PRKCA: variants seen among roughly 807,000 people sequenced by gnomAD.
PRKCA encodes protein kinase C alpha.
PRKCA carries 27 observed loss-of-function variants against 87.0 expected under a neutral mutation model. The observed-to-expected ratio is 0.31, with a 90% CI of 0.23 to 0.43. The LOEUF is 0.43. PRKCA is among the 20% of genes least tolerant of loss of function. The pLI, the probability that PRKCA is intolerant of heterozygous loss-of-function variation, is 1.00. For synonymous variants in PRKCA, 329 were observed against 311.1 expected (o/e 1.06, Z -0.61); for missense variants, 518 against 852.3 (o/e 0.61, Z 4.88).
At chr17:66,399,100 CTTTTTTTTTT>C (rs143646957) in intron 2 of PRKCA, among the ~76,000 whole-genome samples, 1 of 117,292 alleles carries the variant, frequency 8.5e-6, no homozygotes, top group Non-Finnish European at 1.8e-5. Context: ...CTTTTCTTTT[CTTTTTTTTTT>C]TTTTTTGAGA....
At chr17:66,339,548 C>T (rs1442548023) in intron 2 of PRKCA, among the ~76,000 whole-genome samples, 1 of 152,132 alleles carries the variant, frequency 6.6e-6, no homozygotes, top group Non-Finnish European at 1.5e-5. Flanking sequence ...AAAACTGCTC[C>T]TATAAAGCAA....
intron 2 of PRKCA, among the ~76,000 whole-genome samples, chr17:66,422,403 A>G (rs1326122534): frequency 1.3e-5 from 2 of 152,330 alleles, no homozygotes; most frequent in South Asian, 2.1e-4. Flanking sequence ...TATTCATAAA[A>G]CTGTATCCCT....
intron 8 of PRKCA, among the ~76,000 whole-genome samples, chr17:66,709,319 T>C (rs1479820128): frequency 6.8e-6 from 1 of 147,506 alleles, no homozygotes; most frequent in Non-Finnish European, 1.5e-5. Context: ...TTTTTTTTTT[T>C]TTTTTTTTTG....
chr17:66,526,300 T>C (rs1967345724), intron 3 of PRKCA, among the ~76,000 whole-genome samples: 4 of 152,240 alleles, frequency 2.6e-5, no homozygotes, highest in Admixed American at 2.6e-4. Context: ...ATTTATTAAT[T>C]TGCTATGGTC....
At chr17:66,591,792 T>C (rs773132408) in intron 3 of PRKCA, among the ~76,000 whole-genome samples, 16 of 152,142 alleles carry the variant, frequency 1.1e-4, no homozygotes, top group Non-Finnish European at 1.9e-4. Context: ...GTCATCCTAT[T>C]GCTGCACTAT....
At chr17:66,398,170 A>G (rs760603993) in intron 2 of PRKCA, 4 of 152,224 alleles carry the variant, frequency 2.6e-5, no homozygotes, top group Non-Finnish European at 5.9e-5. Context: ...TGGGAATTGA[A>G]TGGACTCCAG....
At chr17:66,482,570 T>G (rs72838300) in intron 2 of PRKCA, among the ~76,000 whole-genome samples, 22,616 of 152,160 alleles carry the variant, frequency 0.15, 1,940 homozygotes, top group East Asian at 0.28. Context: ...TCATTTTCTG[T>G]GTGGCTGTAT....
chr17:66,642,285 A>G (rs1350266265), intron 4 of PRKCA, among the ~76,000 whole-genome samples: 1 of 151,812 alleles, frequency 6.6e-6, no homozygotes. Context: ...CCCCACCACC[A>G]CACCCAGCTA....
intron 2 of PRKCA, among the ~76,000 whole-genome samples, chr17:66,332,205 TCTTC>T (rs796512456): frequency 1.0e-3 from 151 of 147,518 alleles, no homozygotes; most frequent in Middle Eastern, 6.8e-3. Flanking sequence ...TTTCCTTCTT[TCTTC>T]CTTCCTTCCT....
At chr17:66,656,644 G>C (rs905986061) in intron 5 of PRKCA, among the ~76,000 whole-genome samples, 4 of 152,194 alleles carry the variant, frequency 2.6e-5, no homozygotes, top group African/African-American at 9.6e-5. Flanking sequence ...GGGAATGAGA[G>C]AGAGATCTTG....
intron 8 of PRKCA, among the ~76,000 whole-genome samples, chr17:66,693,334 C>G (rs748880502): frequency 5.9e-5 from 9 of 152,188 alleles, no homozygotes; most frequent in Non-Finnish European, 1.0e-4. Flanking sequence ...CGTTTGTCAT[C>G]AAGTAAAGTA....
intron 14 of PRKCA, among the ~76,000 whole-genome samples, chr17:66,786,306 G>T (rs1385149850): frequency 6.6e-6 from 1 of 152,200 alleles, no homozygotes; most frequent in Non-Finnish European, 1.5e-5. Context: ...GGATGAGGGA[G>T]GAGTCCAATG....
chr17:66,701,740 T>A (rs1973070275), intron 8 of PRKCA, among the ~76,000 whole-genome samples: 1 of 152,014 alleles, frequency 6.6e-6, no homozygotes, highest in Admixed American at 6.5e-5. Flanking sequence ...TCAGGGAAAT[T>A]TAAGTCAAAA....
At chr17:66,399,930 G>A (rs1319693100) in intron 2 of PRKCA, among the ~76,000 whole-genome samples, 1 of 152,044 alleles carries the variant, frequency 6.6e-6, no homozygotes, top group African/African-American at 2.4e-5. Context: ...ATTCTTCCAG[G>A]TTGAGCATCC....
intron 2 of PRKCA, among the ~76,000 whole-genome samples, chr17:66,411,540 G>A (rs914846919): frequency 5.9e-5 from 9 of 152,210 alleles, no homozygotes; most frequent in African/African-American, 2.2e-4. Context: ...GGCATGGTCT[G>A]TGGACTGCCG....
chr17:66,473,987 A>G (rs1031454566), intron 2 of PRKCA, among the ~76,000 whole-genome samples: 1 of 152,206 alleles, frequency 6.6e-6, no homozygotes, highest in Non-Finnish European at 1.5e-5. Context: ...ATTCAAGCTC[A>G]GTCTCACACA....
chr17:66,563,224 G>T (rs946484716), intron 3 of PRKCA, among the ~76,000 whole-genome samples: 1 of 152,104 alleles, frequency 6.6e-6, no homozygotes, highest in African/African-American at 2.4e-5. Flanking sequence ...GTTCGGTCTT[G>T]GTAGTGTATA....
At chr17:66,317,058 C>T (rs903397081) in intron 2 of PRKCA, among the ~76,000 whole-genome samples, 8 of 151,514 alleles carry the variant, frequency 5.3e-5, no homozygotes, top group South Asian at 2.1e-4. Flanking sequence ...AGGAGAATGG[C>T]GTGAACCCGG....
intron 15 of PRKCA, 125 bp from the exon 16 acceptor site, chr17:66,788,714 C>A: frequency 8.6e-7 from 1 of 1,160,208 alleles, no homozygotes; most frequent in Non-Finnish European, 1.2e-6. Flanking sequence ...TCTTGGTCAG[C>A]TCTCTGAGAT....
Sources: gnomAD v4.1 joint callset for allele counts (sites outside exome capture counted in the v4.1 genomes callset) on GRCh38, gnomAD v4.1.1 for gene constraint, MANE v1.5 for transcripts, NCBI Gene and HGNC (gene_info 2026-07-23, HGNC 2026-07-21) for gene names.